The following HARS1 variants were observed in gnomAD, a reference collection of about 807,000 sequenced individuals.
The protein encoded by HARS1 is histidyl-tRNA synthetase 1, also known as histidine--tRNA ligase, cytoplasmic.
Under a neutral mutation model 63.6 loss-of-function variants are expected in HARS1, and 45 were observed. The observed-to-expected ratio is 0.71, with a 90% CI of 0.56 to 0.91. The LOEUF (loss-of-function observed/expected upper bound fraction) is 0.91, where lower values mean the gene tolerates loss of function less well. HARS1 is among the 40% of genes least tolerant of loss of function. The pLI, the probability that HARS1 is intolerant of heterozygous loss-of-function variation, is 0.00. For synonymous variants in HARS1, 205 were observed against 247.1 expected (o/e 0.83, Z 1.60); for missense variants, 508 against 643.2 (o/e 0.79, Z 2.27).
chr5:140,674,839 G>A lies in HARS1; in HGVS notation c.1312-14C>T. On this transcript the variant is annotated splice_polypyrimidine_tract_variant and intron_variant, in intron 11 of 12. Coordinates refer to ENST00000504156, the MANE Select transcript of HARS1 (RefSeq NM_002109.6). ...CAGCAGCTCAGCCTGCAGGGGACAA[G>A]AGCAGAAGATGAAGGCTGGCTTCTG... The A allele has an allele frequency of 6.2e-7, 1 of 1,613,914 alleles. No individual in the cohort carries two copies. Among genetic ancestry groups the A allele is most frequent in the Non-Finnish European group, 8.5e-7 (1 of 1,179,790 alleles).
rs781720431 is a variant in HARS1, at chr5:140,690,901, A to G, written c.134T>C (p.Leu45Pro). Reference sequence around the variant, plus strand: ...TTTCTGTTTGCTTTCATCAGGACCCAGCTGTGCCTTCAGTTTCAGGAGTTT... The same window carrying G: ...TTTCTGTTTGCTTTCATCAGGACCCGGCTGTGCCTTCAGTTTCAGGAGTTT... ...VAKLLKLKAQ[L>P]GPDESKQKFV... The change falls in exon 2 of 13, where the codon CTG (leucine) becomes CCG (proline). Residue 45 changes from leucine to proline, a missense_variant. Coordinates refer to ENST00000504156, the MANE Select transcript of HARS1 (RefSeq NM_002109.6). 3.1e-6 allele frequency: 5 copies of G among 1,611,362 alleles called. No individual in the cohort carries two copies. The highest frequency in any genetic ancestry group is 4.2e-6 in the Non-Finnish European group (5 of 1,177,476).
At chr5:140,684,372 T>C (rs568725342) in intron 2 of HARS1, 2 of 983,950 alleles carry the variant, frequency 2.0e-6, no homozygotes, top group African/African-American at 3.5e-5. Context: ...TTATAGGCAA[T>C]ATAACCAACT....
chr5:140,675,174 T>C (rs756920208), intron 10 of HARS1, 41 bp from the exon 11 acceptor site: 2 of 1,266,140 alleles, frequency 1.6e-6, no homozygotes, highest in Non-Finnish European at 2.3e-6. Context: ...GCTAACACCT[T>C]CAAGGAGCAA....
At chr5:140,677,280 T>G in intron 8 of HARS1, 47 bp downstream of exon 8, 1 of 1,471,102 alleles carries the variant, frequency 6.8e-7, no homozygotes, top group Non-Finnish European at 9.5e-7. Context: ...ACTTTAGGAC[T>G]GAGGGCAGTG....
chr5:140,674,387 T>G, intron 12 of HARS1, 59 bp from the exon 13 acceptor site: 3 of 1,213,114 alleles, frequency 2.5e-6, no homozygotes, highest in Non-Finnish European at 3.7e-6. Flanking sequence ...GCTCCCCGAG[T>G]GCCTAGTTTC....
At chr5:140,675,397 C>T in intron 10 of HARS1, 1 of 335,752 alleles carries the variant, frequency 3.0e-6, no homozygotes. Context: ...AAGCTTATCT[C>T]CATGTAGTAC....
chr5:140,678,071 ACT>A, intron 5 of HARS1, 56 bp from the exon 6 acceptor site: 1 of 913,354 alleles, frequency 1.1e-6, no homozygotes. Context: ...TGAAGGGGGG[ACT>A]CTGGGAGCTC....
chr5:140,674,890 A>C (rs1758268591), intron 11 of HARS1, 65 bp from the exon 12 acceptor site: 1 of 1,571,596 alleles, frequency 6.4e-7, no homozygotes, highest in Non-Finnish European at 8.8e-7. Context: ...GAGGGTGTCC[A>C]AGCTGGCACC....
In HARS1 at chr5:140,675,124, C is replaced by T. The variant is rs942265443; in HGVS notation, c.1204G>A (p.Glu402Lys). The change falls in exon 11 of 13, where the codon GAG becomes AAG. Residue 402 changes from glutamate (E) to lysine (K), a missense_variant. By Grantham distance (56) the Glu-to-Lys change is moderately conservative. Around this residue, in one of 2 missense-constraint regions of HARS1, gnomAD observed 403 missense variants for 548.7 expected, o/e 0.73. Coordinates refer to ENST00000504156, the MANE Select transcript of HARS1 (RefSeq NM_002109.6). The part of the protein sequence containing the change: ...IVEQRLEALE[E>K]KIRTTETQVL... ...TGTGTCTCCGTGGTCCGTATCTTCT[C>T]CTCCAAAGCCTGGGGAAGGGGCAGA... The T allele has an allele frequency of 6.2e-7, 1 of 1,603,394 alleles. No individual in the cohort carries two copies. The highest frequency in any genetic ancestry group is 2.2e-5 in the East Asian group (1 of 44,808).
chr5:140,680,859 C>T (rs1758684315), intron 3 of HARS1, among the ~76,000 whole-genome samples: 1 of 151,444 alleles, frequency 6.6e-6, no homozygotes, highest in African/African-American at 2.4e-5. Context: ...AAAAATTCCC[C>T]ATAACATTTC....
chr5:140,690,798 C>T (rs1759365882), intron 2 of HARS1, 57 bp downstream of exon 2: 3 of 956,710 alleles, frequency 3.1e-6, no homozygotes, highest in East Asian at 2.4e-5. Flanking sequence ...CAGACATAAG[C>T]GCCCCGTGAG....
chr5:140,682,071 C>T (rs1231899470), intron 3 of HARS1, among the ~76,000 whole-genome samples: 1 of 152,034 alleles, frequency 6.6e-6, no homozygotes, highest in Non-Finnish European at 1.5e-5. Flanking sequence ...GGCATTTTAG[C>T]TGAGCTCTGA....
At chr5:140,680,249 A>C (rs1758644890) in intron 3 of HARS1, among the ~76,000 whole-genome samples, 2 of 151,220 alleles carry the variant, frequency 1.3e-5, no homozygotes, top group Admixed American at 1.3e-4. Context: ...GGGGTTCAAG[A>C]GATTCTCCTG....
At chr5:140,691,094 C>A (rs1182902209) in intron 1 of HARS1, 121 bp downstream of exon 1, 2 of 925,708 alleles carry the variant, frequency 2.2e-6, no homozygotes, top group Admixed American at 2.0e-5. Flanking sequence ...CCCACGCAGC[C>A]CACTCTCCTC....
In HARS1 at chr5:140,688,456, TG is replaced by T. The variant is rs556068547; in HGVS notation, c.180+2398del. 3.9e-3 allele frequency among the ~76,000 whole-genome samples: 598 copies of T among 152,298 alleles called. 1 individual carries two copies. The highest frequency in any genetic ancestry group is 0.014 in the African/African-American group (578 of 41,574). Reference sequence around the variant, plus strand: ...CATTTCATCCATAAATACTTCAGTATGAATCTCTAACTCATACGGACATTTA... The same window carrying T: ...CATTTCATCCATAAATACTTCAGTATAATCTCTAACTCATACGGACATTTA... On this transcript the variant is annotated intron_variant, in intron 2 of 12. Coordinates refer to ENST00000504156, the MANE Select transcript of HARS1 (RefSeq NM_002109.6).
chr5:140,683,119 G>A lies in HARS1; in HGVS notation c.281C>T (p.Thr94Ile). 4 of 1,613,962 alleles carry A rather than the reference G, an allele frequency of 2.5e-6. No individual in the cohort carries two copies. Among genetic ancestry groups the A allele is most frequent in the Non-Finnish European group, 3.4e-6 (4 of 1,179,854 alleles). Reference protein sequence around the residue: ...FKRHGAEVIDTPVFELKETLM... With the variant: ...FKRHGAEVIDIPVFELKETLM... Reference sequence around the variant, plus strand: ...CCTCACCTTTAGTTCAAATACAGGTGTATCAATGACTTCTGCACCGTGGCG... The same window carrying A: ...CCTCACCTTTAGTTCAAATACAGGTATATCAATGACTTCTGCACCGTGGCG... Residue 94 changes from threonine to isoleucine, a missense_variant, in exon 3 of 13, where the codon ACA (threonine) becomes ATA (isoleucine). Thr to Ile is a moderately conservative substitution (Grantham distance 89, BLOSUM62 -1). Coordinates refer to ENST00000504156, the MANE Select transcript of HARS1 (RefSeq NM_002109.6).
At chr5:140,690,991 C>T (rs1581532451) in intron 1 of HARS1, 47 bp from the exon 2 acceptor site, 1 of 1,109,802 alleles carries the variant, frequency 9.0e-7, no homozygotes, top group Non-Finnish European at 1.4e-6. Context: ...TCACTCTCCT[C>T]CCTCCCCCGC....
At position 140,676,246 on chromosome 5, in the gene HARS1, G is replaced by A. The variant is rs1349380470; in HGVS notation, c.1194+408C>T. The A allele has an allele frequency of 5.8e-6, 1 of 173,046 alleles. No homozygotes were observed. The highest frequency in any genetic ancestry group is 1.2e-5 in the Non-Finnish European group (1 of 81,586). The allele number at this position is 173,046 out of a possible 1,614,324, so 10.7% of individuals were successfully genotyped here. A position where few individuals can be genotyped will look rare whatever the true frequency, so the allele number is the denominator to read the frequency against. On this transcript the variant is annotated intron_variant, in intron 10 of 12. Transcript: ENST00000504156. This position sits in a 1 kb window ranked among gnomAD's most constrained non-coding sequence, Gnocchi z 4.1. The stretch of plus-strand genomic sequence containing the variant: ...TATAATGCTTCAGTGTTCTCATCTG[G>A]AAAATGCAATTAATAAAATTAGCTA...
intron 3 of HARS1, among the ~76,000 whole-genome samples, chr5:140,680,523 G>A (rs1374961422): frequency 6.6e-6 from 1 of 152,068 alleles, no homozygotes; most frequent in Non-Finnish European, 1.5e-5. Flanking sequence ...TATACTGTTA[G>A]GTGTTTAGGT....
Sources: allele counts gnomAD v4.1 joint callset (sites outside exome capture counted in the v4.1 genomes callset), GRCh38; gene constraint gnomAD v4.1.1; regional missense constraint gnomAD v4.1.1; non-coding constraint Gnocchi (gnomAD v3.1); transcripts MANE v1.5; gene names NCBI Gene and HGNC (gene_info 2026-07-23, HGNC 2026-07-21).